GPRC5A: variants seen among roughly 807,000 people sequenced by gnomAD.
GPRC5A encodes retinoic acid-induced protein 3.
GPRC5A carries 19 observed loss-of-function variants against 22.5 expected under a neutral mutation model. The ratio of observed to expected loss-of-function variants is 0.85; its 90% CI spans 0.59 to 1.24. The LOEUF (loss-of-function observed/expected upper bound fraction) is 1.24. Ranked by LOEUF, GPRC5A falls within the 50% of genes most tolerant of loss-of-function variation. The pLI, the probability that GPRC5A is intolerant of heterozygous loss-of-function variation, is 0.00. For missense variants in GPRC5A, 471 were observed against 451.1 expected, an observed-to-expected ratio of 1.04 and a Z score of -0.40; for synonymous variants, 192 against 184.5, an observed-to-expected ratio of 1.04 and a Z score of -0.33.
At chr12:12,904,688 T>C (rs1348137496) in intron 1 of GPRC5A, among the ~76,000 whole-genome samples, 1 of 152,144 alleles carries the variant, frequency 6.6e-6, no homozygotes, top group East Asian at 1.9e-4. Context: ...ATTTAAGCTA[T>C]ATCTGGTGTC....
chr12:12,914,596 C>G lies in GPRC5A; in HGVS notation c.*2057C>G, dbSNP rs1345520407. The G allele has an allele frequency of 4.4e-4, 44 of 101,124 alleles. No homozygotes were observed. Among genetic ancestry groups the G allele is most frequent in the African/African-American group, 1.7e-3 (42 of 24,144 alleles). The allele number at this position is 101,124 out of a possible 1,614,324, so 6.3% of individuals were successfully genotyped here. On this transcript the variant is annotated 3_prime_UTR_variant, in exon 4 of 4. Coordinates refer to ENST00000014914, the MANE Select transcript of GPRC5A (RefSeq NM_003979.4). ...TCTTTCTTTCTTTCTTTCTTTCTTT[C>G]TCTCTCTCTCTCTCTCTCTCTTTCT... is the stretch of plus-strand genomic sequence containing the variant.
At position 12,908,675 on chromosome 12, in the gene GPRC5A, C is replaced by T; in HGVS notation, c.426C>T (p.Ser142=). The T allele has an allele frequency of 1.2e-6, 2 of 1,613,910 alleles. No individual in the cohort carries two copies. Among genetic ancestry groups the T allele is most frequent in the Non-Finnish European group, 1.7e-6 (2 of 1,179,832 alleles). ...LVILGLAVGF[S]LVQDVIAIEY... ...TTCTGGGTCTGGCCGTGGGCTTCAGCCTAGTCCAGGATGTTATCGCTATTG... is the reference window on the plus strand; with the variant it reads ...TTCTGGGTCTGGCCGTGGGCTTCAGTCTAGTCCAGGATGTTATCGCTATTG... The change falls in exon 2 of 4, where the codon AGC becomes AGT. Residue 142 remains serine (S), a synonymous_variant. Coordinates refer to ENST00000014914, the MANE Select transcript of GPRC5A (RefSeq NM_003979.4).
chr12:12,912,361 G>A, intron 3 of GPRC5A, 86 bp from the exon 4 acceptor site: 1 of 965,058 alleles, frequency 1.0e-6, no homozygotes, highest in Non-Finnish European at 1.7e-6. Context: ...AGAAAGGGAA[G>A]GAAATGAGAC....
intron 1 of GPRC5A, among the ~76,000 whole-genome samples, chr12:12,896,476 C>T (rs989855867): frequency 6.6e-6 from 1 of 152,174 alleles, no homozygotes; most frequent in Non-Finnish European, 1.5e-5. Flanking sequence ...AATCCTTTAT[C>T]AAGGGCAGAG....
intron 1 of GPRC5A, among the ~76,000 whole-genome samples, chr12:12,904,778 A>G: frequency 6.6e-6 from 1 of 152,154 alleles, no homozygotes; most frequent in East Asian, 1.9e-4. Flanking sequence ...ATGTATGTAT[A>G]TGTATATATT....
chr12:12,897,950 A>C (rs139225763), intron 1 of GPRC5A, among the ~76,000 whole-genome samples: 36 of 152,120 alleles, frequency 2.4e-4, no homozygotes, highest in African/African-American at 8.0e-4. Context: ...TCCTACCTAG[A>C]TGAGATGGTG....
chr12:12,900,914 C>CA (rs55937595), intron 1 of GPRC5A, among the ~76,000 whole-genome samples: 9,321 of 89,520 alleles, frequency 0.1, 614 homozygotes, highest in East Asian at 0.14. Context: ...AAAAAAAAAA[C>CA]AAAAAAAAAA....
intron 1 of GPRC5A, among the ~76,000 whole-genome samples, chr12:12,894,835 G>A (rs772911434): frequency 6.6e-5 from 9 of 136,334 alleles, no homozygotes; most frequent in Middle Eastern, 4.5e-3. Context: ...CTGGGGTGCA[G>A]TGGTGCGATC....
At chr12:12,904,469 G>A (rs905589075) in intron 1 of GPRC5A, among the ~76,000 whole-genome samples, 1 of 152,092 alleles carries the variant, frequency 6.6e-6, no homozygotes, top group East Asian at 1.9e-4. Context: ...GAAGGCGGTG[G>A]GAGGCCCATG....
At chr12:12,906,214 A>T (rs570361948) in intron 1 of GPRC5A, among the ~76,000 whole-genome samples, 1 of 152,314 alleles carries the variant, frequency 6.6e-6, no homozygotes, top group Non-Finnish European at 1.5e-5. Flanking sequence ...ATAGGATAAT[A>T]GTTTTACCTC....
Position 12,915,405 on chromosome 12 carries a change from C to T in GPRC5A, c.*2866C>T, listed in dbSNP as rs1864053387. ...TTTTTGTAGAGGTGGGGGTCTTGCT[C>T]TGTTGCCCAGGCTGGTCTTGAACTC... On this transcript the variant is annotated 3_prime_UTR_variant, in exon 4 of 4. Coordinates refer to ENST00000014914, the MANE Select transcript of GPRC5A (RefSeq NM_003979.4). The T allele has an allele frequency of 6.6e-6, 1 of 152,216 alleles. No individual in the cohort carries two copies. The highest frequency in any genetic ancestry group is 1.5e-5 in the Non-Finnish European group (1 of 68,184). 9.4% of individuals were successfully genotyped at this position (152,216 alleles called of 1,614,324 possible).
Position 12,908,692 on chromosome 12 carries a change from T to C in GPRC5A, c.443T>C (p.Ile148Thr), listed in dbSNP as rs749253941. The C allele has an allele frequency of 6.8e-6, 11 of 1,613,984 alleles. No homozygotes were observed. The highest frequency in any genetic ancestry group is 1.1e-5 in the South Asian group (1 of 91,076). The change falls in exon 2 of 4, where the codon ATC becomes ACC. Residue 148 changes from isoleucine (I) to threonine (T), a missense_variant. Transcript: ENST00000014914. ...AVGFSLVQDV[I>T]AIEYIVLTMN... The stretch of plus-strand genomic sequence containing the variant: ...GGCTTCAGCCTAGTCCAGGATGTTA[T>C]CGCTATTGAATATATTGTCCTGACC...
intron 1 of GPRC5A, among the ~76,000 whole-genome samples, chr12:12,895,897 G>A (rs1319529465): frequency 6.7e-6 from 1 of 148,436 alleles, no homozygotes; most frequent in Admixed American, 6.8e-5. Context: ...GGAGGCTGAG[G>A]CAGGAGAATG....
At position 12,908,910 on chromosome 12, in the gene GPRC5A, A is replaced by G. The variant is rs758385423; in HGVS notation, c.661A>G (p.Ile221Val). 2 of 1,613,828 alleles carry G rather than the reference A, an allele frequency of 1.2e-6. No homozygotes were observed. The highest frequency in any genetic ancestry group is 1.7e-6 in the Non-Finnish European group (2 of 1,179,982). ...AHIYLTMLLS[I>V]AIWVAWITLL... ...CATCTACCTCACGATGCTCCTCTCC[A>G]TTGCCATCTGGGTGGCCTGGATCAC... Residue 221 changes from isoleucine (I) to valine (V), a missense_variant, in exon 2 of 4, where the codon ATT (isoleucine) becomes GTT (valine). By Grantham distance (29) the Ile-to-Val change is conservative (BLOSUM62 3). Transcript: ENST00000014914.
Position 12,915,694 on chromosome 12 carries a change from A to T in GPRC5A, c.*3155A>T, listed in dbSNP as rs113863137. Reference sequence around the variant, plus strand: ...TTTAGTAGAGACAGGGTTTCACTATATGGGCCAGGCAGATCTCGAACTCCA... The same window carrying T: ...TTTAGTAGAGACAGGGTTTCACTATTTGGGCCAGGCAGATCTCGAACTCCA... On this transcript the variant is annotated 3_prime_UTR_variant, in exon 4 of 4. Transcript: ENST00000014914. 1,158 of 250,302 alleles carry T rather than the reference A, an allele frequency of 4.6e-3. 17 individuals are homozygous for T. Among genetic ancestry groups the T allele is most frequent in the African/African-American group, 0.025 (1,090 of 43,760 alleles). 15.5% of individuals were successfully genotyped at this position (250,302 alleles called of 1,614,324 possible).
chr12:12,908,500 C>T lies in GPRC5A; in HGVS notation c.251C>T (p.Ala84Val). ...GVLGIFGLTF[A>V]FIIGLDGSTG... is the part of the protein sequence containing the mutation. ...TTGGGCATCTTTGGCCTCACCTTCGCCTTCATCATCGGACTGGACGGGAGC... is the reference window on the plus strand; with the variant it reads ...TTGGGCATCTTTGGCCTCACCTTCGTCTTCATCATCGGACTGGACGGGAGC... Residue 84 changes from alanine to valine, a missense_variant, in exon 2 of 4, where the codon GCC becomes GTC. Coordinates refer to ENST00000014914, the MANE Select transcript of GPRC5A (RefSeq NM_003979.4). 2 of 1,614,148 alleles carry T rather than the reference C, an allele frequency of 1.2e-6. No homozygotes were observed. The highest frequency in any genetic ancestry group is 1.7e-6 in the Non-Finnish European group (2 of 1,180,032).
intron 1 of GPRC5A, 132 bp from the exon 2 acceptor site, chr12:12,908,111 A>G: frequency 1.6e-6 from 1 of 607,544 alleles, no homozygotes; most frequent in Non-Finnish European, 2.9e-6. Flanking sequence ...TACTTAATGT[A>G]GTAAGCTCAA....
Position 12,915,869 on chromosome 12 carries a change from C to T in GPRC5A, c.*3330C>T. ...GGTCTCTGAAGCCTGCAGGGGCAGG[C>T]CAGCCCTGCACTGAACGCCTGTTCT... On this transcript the variant is annotated 3_prime_UTR_variant, in exon 4 of 4. Coordinates refer to ENST00000014914, the MANE Select transcript of GPRC5A (RefSeq NM_003979.4). 1 of 528,188 alleles carries T rather than the reference C, an allele frequency of 1.9e-6. No homozygotes were observed. The allele number at this position is 528,188 out of a possible 1,614,324, so 32.7% of individuals were successfully genotyped here.
chr12:12,896,915 C>G (rs78116027), intron 1 of GPRC5A, among the ~76,000 whole-genome samples: 1 of 152,044 alleles, frequency 6.6e-6, no homozygotes, highest in Non-Finnish European at 1.5e-5. Context: ...ATGAAGAGAT[C>G]GACACATTTA....
Sources: allele counts gnomAD v4.1 joint callset (sites outside exome capture counted in the v4.1 genomes callset), GRCh38; gene constraint gnomAD v4.1.1; transcripts MANE v1.5; gene names NCBI Gene and HGNC (gene_info 2026-07-23, HGNC 2026-07-21).